Variants in TYRO3 observed in about 807,000 individuals in gnomAD.
TYRO3 encodes tyrosine-protein kinase receptor TYRO3.
TYRO3 carries 38 observed loss-of-function variants against 95.2 expected under a neutral mutation model. The ratio of observed to expected loss-of-function variants is 0.40; its 90% confidence interval spans 0.31 to 0.52. The LOEUF is 0.52. Ranked by LOEUF, TYRO3 falls within the 20% of genes least tolerant of loss-of-function variation. The pLI, the probability that TYRO3 is intolerant of heterozygous loss-of-function variation, is 0.56. For missense variants in TYRO3, 812 were observed against 1,116.4 expected (o/e 0.73, Z 3.89); for synonymous variants, 367 against 432.9 (o/e 0.85, Z 1.89).
Position 41,567,388 on chromosome 15 carries a change from T to C in TYRO3, c.812T>C (p.Val271Ala), listed in dbSNP as rs2055737082. ...ACACAGGCCCCAGGAGGCTGGGAAG[T>C]CCTGGCTGTTGTGGTCCCTGTGCCC... is the stretch of plus-strand genomic sequence containing the variant. The part of the protein sequence containing the change: ...QVTQAPGGWE[V>A]LAVVVPVPPF... The change falls in exon 7 of 19, where the codon GTC becomes GCC. Residue 271 changes from valine to alanine, a missense_variant. By Grantham distance (64) the Val-to-Ala change is moderately conservative. Transcript: ENST00000263798. The C allele has an allele frequency of 6.3e-7, 1 of 1,589,924 alleles. No individual in the cohort carries two copies. Among genetic ancestry groups the C allele is most frequent in the South Asian group, 1.2e-5 (1 of 86,502 alleles).
At position 41,564,269 on chromosome 15, in the gene TYRO3, A is replaced by G; in HGVS notation, c.666A>G (p.Gln222=). ...CTCGCACAGCCACTGTTCACCTTCA[A>G]GGTAGGAGGGCTGGCAGGGAGGAAG... ...ASSRTATVHL[Q]ALPAAPFNIT... is the part of the protein sequence containing the mutation. The change falls in exon 5 of 19, where the codon CAA becomes CAG. Residue 222 remains glutamine, a splice_region_variant and synonymous_variant. Transcript: ENST00000263798. 1 of 1,613,956 alleles carries G rather than the reference A, an allele frequency of 6.2e-7. No homozygotes were observed.
rs1355814772 is a variant in TYRO3, at chr15:41,570,653, G to A, written c.1533G>A (p.Val511=). The change falls in exon 12 of 19, where the codon GTG becomes GTA. Residue 511 remains valine, a synonymous_variant. Coordinates refer to ENST00000263798, the MANE Select transcript of TYRO3 (RefSeq NM_006293.4). ...SDELKEKLED[V]LIPEQQFTLG... ...AACTAAAGGAAAAACTGGAGGATGT[G>A]CTCATCCCAGAGCAGCAGTTCACCC... 6 of 1,614,088 alleles carry A rather than the reference G, an allele frequency of 3.7e-6. No homozygotes were observed. The highest frequency in any genetic ancestry group is 5.1e-6 in the Non-Finnish European group (6 of 1,180,044).
At chr15:41,575,922 T>G (rs957734883) in intron 18 of TYRO3, among the ~76,000 whole-genome samples, 7 of 151,680 alleles carry the variant, frequency 4.6e-5, no homozygotes, top group Admixed American at 6.6e-5. Context: ...CTGACCAACA[T>G]AGAGAAACCC....
chr15:41,568,413 G>A, intron 8 of TYRO3, 51 bp downstream of exon 8: 2 of 1,550,932 alleles, frequency 1.3e-6, no homozygotes, highest in South Asian at 1.2e-5. Context: ...TAAGCCTTCA[G>A]GGTTCTAAGG....
At chr15:41,566,613 G>C (rs1171933539) in intron 6 of TYRO3, among the ~76,000 whole-genome samples, 1 of 152,194 alleles carries the variant, frequency 6.6e-6, no homozygotes, top group African/African-American at 2.4e-5. Flanking sequence ...TCGTGAGGGG[G>C]ATGGGAATGG....
intron 9 of TYRO3, among the ~76,000 whole-genome samples, chr15:41,569,814 GA>G (rs2140828296): frequency 1.3e-5 from 2 of 152,312 alleles, no homozygotes; most frequent in South Asian, 4.1e-4. Flanking sequence ...AACTGGCATA[GA>G]AATCCATGGT....
intron 14 of TYRO3, among the ~76,000 whole-genome samples, chr15:41,572,112 T>C (rs1005987715): frequency 6.6e-6 from 1 of 151,984 alleles, no homozygotes; most frequent in Non-Finnish European, 1.5e-5. Context: ...GGGAGGATCA[T>C]TTGAGCCCAG....
intron 13 of TYRO3, 139 bp downstream of exon 13, chr15:41,571,257 C>G (rs2055792475): frequency 7.7e-6 from 6 of 778,266 alleles, no homozygotes; most frequent in Non-Finnish European, 1.3e-5. Context: ...CTTTACCACA[C>G]GAATAATTCA....
At chr15:41,568,074 C>G (rs912086012) in intron 7 of TYRO3, 143 bp from the exon 8 acceptor site, 5 of 1,078,298 alleles carry the variant, frequency 4.6e-6, no homozygotes, top group Non-Finnish European at 6.8e-6. Flanking sequence ...TGGGTGAGAG[C>G]AGTCAGAGCT....
intron 12 of TYRO3, 31 bp downstream of exon 12, chr15:41,570,730 C>T: frequency 8.0e-7 from 1 of 1,252,700 alleles, no homozygotes; most frequent in Non-Finnish European, 1.2e-6. Flanking sequence ...ATGGGCATGG[C>T]TGGTTTGCTG....
intron 7 of TYRO3, 59 bp from the exon 8 acceptor site, chr15:41,568,158 A>G: frequency 2.5e-6 from 4 of 1,603,252 alleles, no homozygotes; most frequent in Non-Finnish European, 3.4e-6. Context: ...AAAGGTCTGC[A>G]TGGAATTATG....
At chr15:41,562,122 C>T (rs1339377127) in intron 3 of TYRO3, 1 of 179,768 alleles carries the variant, frequency 5.6e-6, no homozygotes, top group South Asian at 1.4e-4. Context: ...CAGCTCTCCA[C>T]CCCCAGTCTC....
chr15:41,560,699 A>T (rs1196296794), intron 1 of TYRO3, among the ~76,000 whole-genome samples: 1 of 150,638 alleles, frequency 6.6e-6, no homozygotes, highest in Admixed American at 6.6e-5. Context: ...GCCCTGCTCC[A>T]TTTGGTAAGG....
rs772608566 is a variant in TYRO3 at position 41,573,344 on chromosome 15, C to T, written c.2022C>T (p.Phe674=). The T allele has an allele frequency of 1.3e-5, 21 of 1,614,196 alleles. No homozygotes were observed. Among genetic ancestry groups the T allele is most frequent in the Middle Eastern group, 3.3e-4 (2 of 6,062 alleles). The change falls in exon 17 of 19, where the codon TTC becomes TTT. Residue 674 remains phenylalanine, a synonymous_variant. Transcript: ENST00000263798. ...AEDMTVCVAD[F]GLSRKIYSGD... ...ACATGACAGTGTGTGTGGCTGACTTCGGACTCTCCCGGAAGATCTACAGTG... is the reference window on the plus strand; with the variant it reads ...ACATGACAGTGTGTGTGGCTGACTTTGGACTCTCCCGGAAGATCTACAGTG...
chr15:41,572,382 C>G, intron 14 of TYRO3, 61 bp from the exon 15 acceptor site: 1 of 1,549,688 alleles, frequency 6.5e-7, no homozygotes, highest in South Asian at 1.2e-5. Context: ...GGGACTTATG[C>G]AGACACCTGA....
chr15:41,570,846 G>T lies in TYRO3; in HGVS notation c.1579+147G>T, dbSNP rs545191573. The stretch of plus-strand genomic sequence containing the variant: ...ACTCCTGAGTGTGGGATGTTTGTGG[G>T]GAATGGTGGCTGGAGACAGGGAGGG... On this transcript the variant is annotated intron_variant, in intron 12 of 18. Transcript: ENST00000263798. 6 of 932,358 alleles carry T rather than the reference G, an allele frequency of 6.4e-6. No homozygotes were observed. In the Admixed American group the frequency reaches 1.3e-4, roughly 19 times the overall value. The allele number at this position is 932,358 out of a possible 1,614,324, so 57.8% of individuals were successfully genotyped here. A position where few individuals can be genotyped will look rare whatever the true frequency, so the allele number is the denominator to read the frequency against.
chr15:41,576,801 A>G (rs1040579521), intron 18 of TYRO3, among the ~76,000 whole-genome samples: 1 of 149,280 alleles, frequency 6.7e-6, no homozygotes, highest in African/African-American at 2.5e-5. Flanking sequence ...AGCTGGGATT[A>G]CAGGTACTTA....
chr15:41,570,916 G>A, intron 12 of TYRO3, 122 bp from the exon 13 acceptor site: 1 of 1,128,878 alleles, frequency 8.9e-7, no homozygotes, highest in South Asian at 1.4e-5. Flanking sequence ...CTACTGGCAA[G>A]GGTGCCTTCT....
At chr15:41,572,849 G>A (rs747041562) in intron 15 of TYRO3, among the ~76,000 whole-genome samples, 153 bp from the exon 16 acceptor site, 2 of 152,152 alleles carry the variant, frequency 1.3e-5, no homozygotes, top group African/African-American at 2.4e-5. Flanking sequence ...TAGGCTAGCC[G>A]AAGCTTCCTT....
Sources: gnomAD v4.1 joint callset for allele counts (sites outside exome capture counted in the v4.1 genomes callset) on GRCh38, gnomAD v4.1.1 for gene constraint, MANE v1.5 for transcripts, NCBI Gene and HGNC (gene_info 2026-07-23, HGNC 2026-07-21) for gene names.